Variants in TMPRSS15 observed in about 807,000 individuals in gnomAD.
The protein encoded by TMPRSS15 is enteropeptidase.
In TMPRSS15, 128 loss-of-function variants were observed where a neutral mutation model predicts 125.3. That is an observed-to-expected ratio of 1.02 (90% CI 0.89 to 1.18). TMPRSS15 has a LOEUF of 1.18. Ranked by LOEUF, TMPRSS15 falls within the 50% of genes most tolerant of loss-of-function variation. The pLI is 0.00. For missense variants in TMPRSS15, 1,283 were observed against 1,212.7 expected (o/e 1.06, Z -0.86); for synonymous variants, 446 against 423.2 (o/e 1.05, Z -0.66).
rs564648017 is a variant in TMPRSS15 at position 18,279,022 on chromosome 21, T to C, written c.2706A>G (p.Gln902=). Residue 902 remains glutamine (Q), a synonymous_variant, in exon 23 of 25, where the codon CAA becomes CAG. Transcript: ENST00000284885. The stretch of plus-strand genomic sequence containing the variant: ...AACAATTTCTTCCTGGAGGAAAAAC[T>C]TGATTTTCTTCCGGTAAACAAATAG... The part of the protein sequence containing the change: ...IQPICLPEEN[Q]VFPPGRNCSI... The C allele has an allele frequency of 1.4e-5, 22 of 1,586,020 alleles. 3 individuals are homozygous for C. The African/African-American group carries it at 2.6e-4, about 19-fold the overall frequency.
intron 1 of TMPRSS15, among the ~76,000 whole-genome samples, chr21:18,428,546 T>A (rs901913789): frequency 2.0e-5 from 3 of 152,128 alleles, no homozygotes; most frequent in Non-Finnish European, 4.4e-5. Context: ...TATCTGCAGC[T>A]TATGGACTTG....
intron 23 of TMPRSS15, among the ~76,000 whole-genome samples, chr21:18,278,547 G>A (rs113314753): frequency 0.037 from 5,614 of 151,920 alleles, 283 homozygotes; most frequent in African/African-American, 0.11. Context: ...GTGAAACCCC[G>A]TTTCTACTAA....
rs1555890665 is a variant in TMPRSS15, at chr21:18,280,582, A to AAAAAAAAAAAC, written c.2668+457_2668+458insGTTTTTTTTTT. ...CAGAGCGAGACTCCGTCTCAAAAAAAAAAAAAAAAAAAACAACAAAACAAC... is the reference window on the plus strand; with the variant it reads ...CAGAGCGAGACTCCGTCTCAAAAAAAAAAAAAAAAACAAAAAAAAAAAAACAACAAAACAAC... On this transcript the variant is annotated intron_variant, in intron 22 of 24. Coordinates refer to ENST00000284885, the MANE Select transcript of TMPRSS15 (RefSeq NM_002772.3). Among the ~76,000 whole-genome samples, 88 of 138,592 alleles carry AAAAAAAAAAAC rather than the reference A, an allele frequency of 6.3e-4. 4 individuals are homozygous for AAAAAAAAAAAC. The highest frequency in any genetic ancestry group is 2.7e-3 in the African/African-American group (81 of 30,114). The allele number at this position is 138,592 out of a possible 152,430, so 90.9% of individuals were successfully genotyped here. A position where few individuals can be genotyped will look rare whatever the true frequency, so the allele number is the denominator to read the frequency against.
At chr21:18,307,913 A>G (rs1212880775) in intron 18 of TMPRSS15, among the ~76,000 whole-genome samples, 1 of 152,206 alleles carries the variant, frequency 6.6e-6, no homozygotes, top group Non-Finnish European at 1.5e-5. Context: ...ACCACAATAG[A>G]AAGAACTCCT....
At chr21:18,351,766 T>A (rs2075571813) in intron 10 of TMPRSS15, among the ~76,000 whole-genome samples, 1 of 152,232 alleles carries the variant, frequency 6.6e-6, no homozygotes, top group South Asian at 2.1e-4. Flanking sequence ...TAAAAGAGAC[T>A]AGGTTTTTGT....
At chr21:18,466,723 AC>A in intron 1 of TMPRSS15, among the ~76,000 whole-genome samples, 1 of 152,286 alleles carries the variant, frequency 6.6e-6, no homozygotes, top group South Asian at 2.1e-4. Flanking sequence ...ATCATCTCAC[AC>A]CAGTTAGAAT....
intron 3 of TMPRSS15, among the ~76,000 whole-genome samples, chr21:18,392,055 C>T (rs1183936196): frequency 6.6e-6 from 1 of 152,180 alleles, no homozygotes. Flanking sequence ...TCCTGGGCCC[C>T]ATCCACAAAC....
rs1226785291 is a variant in TMPRSS15, at chr21:18,383,623, A to G, written c.496+4T>C. The G allele has an allele frequency of 6.2e-7, 1 of 1,613,490 alleles. No homozygotes were observed. The highest frequency in any genetic ancestry group is 1.1e-5 in the South Asian group (1 of 91,074). On this transcript the variant is annotated splice_donor_region_variant and intron_variant, in intron 4 of 24. Transcript: ENST00000284885. ...CAAAGAAATCAAATAATGTTCACAC[A>G]TACCTAGGATATCAACGCTGTTCAA...
At chr21:18,482,241 A>G (rs1197632144) in intron 1 of TMPRSS15, among the ~76,000 whole-genome samples, 1 of 151,510 alleles carries the variant, frequency 6.6e-6, no homozygotes, top group Non-Finnish European at 1.5e-5. Context: ...ATTTTGATGA[A>G]ATTCCTGAGA....
intron 7 of TMPRSS15, among the ~76,000 whole-genome samples, chr21:18,364,029 C>CT (rs1236165699): frequency 6.6e-6 from 1 of 152,056 alleles, no homozygotes; most frequent in African/African-American, 2.4e-5. Context: ...ATAGAACAAT[C>CT]TTTTTCTCAC....
intron 2 of TMPRSS15, 120 bp downstream of exon 2, chr21:18,398,079 C>T: frequency 7.6e-7 from 1 of 1,311,244 alleles, no homozygotes; most frequent in Non-Finnish European, 1.1e-6. Flanking sequence ...GGGGCTCATA[C>T]ATTTGAGTAT....
At chr21:18,347,021 A>T (rs150893972) in intron 10 of TMPRSS15, among the ~76,000 whole-genome samples, 1 of 152,066 alleles carries the variant, frequency 6.6e-6, no homozygotes, top group African/African-American at 2.4e-5. Flanking sequence ...AACACCTAGA[A>T]ATTTTTTGAC....
At chr21:18,363,019 T>TG (rs1320797988) in intron 7 of TMPRSS15, among the ~76,000 whole-genome samples, 1 of 152,194 alleles carries the variant, frequency 6.6e-6, no homozygotes, top group African/African-American at 2.4e-5. Flanking sequence ...GAGCTGGTCC[T>TG]GCTCAAAATA....
intron 1 of TMPRSS15, among the ~76,000 whole-genome samples, chr21:18,456,324 A>G (rs529139791): frequency 6.6e-6 from 1 of 152,242 alleles, no homozygotes; most frequent in South Asian, 2.1e-4. Flanking sequence ...CTGAACAACT[A>G]CATAGGCAAA....
chr21:18,425,627 T>C (rs1015964048), intron 1 of TMPRSS15, among the ~76,000 whole-genome samples: 3 of 151,996 alleles, frequency 2.0e-5, no homozygotes, highest in Non-Finnish European at 4.4e-5. Flanking sequence ...TCTTAACAAG[T>C]ATTTATGTAT....
chr21:18,378,712 A>G (rs1024640191), intron 5 of TMPRSS15, among the ~76,000 whole-genome samples: 34 of 152,198 alleles, frequency 2.2e-4, no homozygotes, highest in Middle Eastern at 6.8e-3. Context: ...TTAAGTTATG[A>G]CCAGAGAAGG....
chr21:18,437,975 T>G (rs57513300), intron 1 of TMPRSS15, among the ~76,000 whole-genome samples: 14,958 of 148,872 alleles, frequency 0.1, 840 homozygotes, highest in African/African-American at 0.12. Context: ...CCCATTACTG[T>G]GTATATACCC....
intron 18 of TMPRSS15, among the ~76,000 whole-genome samples, chr21:18,306,071 A>G (rs2075035700): frequency 6.6e-6 from 1 of 152,210 alleles, no homozygotes; most frequent in Admixed American, 6.5e-5. Context: ...AATATTATTT[A>G]TTTCTGTGTA....
At chr21:18,396,804 GTCTGTCTATCTATCTA>G (rs1235869012) in intron 3 of TMPRSS15, among the ~76,000 whole-genome samples, 6 of 96,562 alleles carry the variant, frequency 6.2e-5, no homozygotes, top group Admixed American at 1.2e-4. Context: ...CTGTCTGTCT[GTCTGTCTATCTATCTA>G]TCTATCTATC....
Sources: allele counts gnomAD v4.1 joint callset (sites outside exome capture counted in the v4.1 genomes callset), GRCh38; gene constraint gnomAD v4.1.1; transcripts MANE v1.5; gene names NCBI Gene and HGNC (gene_info 2026-07-23, HGNC 2026-07-21).